CACNA2D3: variants seen among roughly 807,000 people sequenced by gnomAD.
CACNA2D3 encodes voltage-dependent calcium channel subunit alpha-2/delta-3.
Under a neutral mutation model 160.6 loss-of-function variants are expected in CACNA2D3, and 60 were observed. That is an observed-to-expected ratio of 0.37 (90% CI 0.30 to 0.46). The LOEUF (loss-of-function observed/expected upper bound fraction) is 0.46. CACNA2D3 is among the 20% of genes least tolerant of loss of function. CACNA2D3 has a pLI of 1.00. For synonymous variants in CACNA2D3, 558 were observed against 492.9 expected, an observed-to-expected ratio of 1.13 and a Z score of -1.75; for missense variants, 1,205 against 1,365.0, an observed-to-expected ratio of 0.88 and a Z score of 1.85.
intron 4 of CACNA2D3, among the ~76,000 whole-genome samples, chr3:54,502,252 A>G (rs1701306555): frequency 6.6e-6 from 1 of 152,192 alleles, no homozygotes; most frequent in African/African-American, 2.4e-5. Context: ...CTGGTGTCCC[A>G]TTACACATAT....
intron 13 of CACNA2D3, among the ~76,000 whole-genome samples, chr3:54,810,799 T>C (rs1703287126): frequency 6.6e-6 from 1 of 152,246 alleles, no homozygotes; most frequent in Non-Finnish European, 1.5e-5. Flanking sequence ...GTCCCTTCAA[T>C]CACCCCCATG....
chr3:55,045,023 C>G (rs753753833), intron 35 of CACNA2D3, among the ~76,000 whole-genome samples: 1 of 151,944 alleles, frequency 6.6e-6, no homozygotes, highest in Non-Finnish European at 1.5e-5. Context: ...CTTTTTTACT[C>G]TATGTTAATA....
chr3:54,922,402 A>T (rs1700878910), intron 27 of CACNA2D3, among the ~76,000 whole-genome samples: 1 of 151,624 alleles, frequency 6.6e-6, no homozygotes, highest in South Asian at 2.1e-4. Flanking sequence ...TTACAATTTA[A>T]TCCACAATAC....
intron 11 of CACNA2D3, among the ~76,000 whole-genome samples, chr3:54,688,618 A>G (rs572718651): frequency 1.3e-5 from 2 of 152,094 alleles, no homozygotes; most frequent in Admixed American, 1.3e-4. Flanking sequence ...GGACAGTTGT[A>G]AAGAGTGAAT....
intron 4 of CACNA2D3, among the ~76,000 whole-genome samples, chr3:54,485,813 C>T (rs368298954): frequency 2.6e-5 from 4 of 152,186 alleles, no homozygotes; most frequent in Admixed American, 6.5e-5. Context: ...ATCCACCTGC[C>T]TTGGCCTCCC....
intron 4 of CACNA2D3, among the ~76,000 whole-genome samples, chr3:54,409,058 C>T (rs1699622536): frequency 6.6e-6 from 1 of 152,162 alleles, no homozygotes; most frequent in African/African-American, 2.4e-5. Flanking sequence ...CCAACAAATA[C>T]AGATATGCTT....
intron 9 of CACNA2D3, among the ~76,000 whole-genome samples, chr3:54,592,078 C>G (rs1453842344): frequency 6.6e-6 from 1 of 152,138 alleles, no homozygotes; most frequent in Non-Finnish European, 1.5e-5. Context: ...AAGGTGACAG[C>G]TGGGATTATG....
intron 4 of CACNA2D3, among the ~76,000 whole-genome samples, chr3:54,490,336 CAG>C (rs577767079): frequency 3.2e-3 from 480 of 152,218 alleles, no homozygotes; most frequent in African/African-American, 0.011. Flanking sequence ...CCCTGCGCAG[CAG>C]CAGGCTCCCA....
chr3:54,485,574 T>C (rs1015692405), intron 4 of CACNA2D3, among the ~76,000 whole-genome samples: 1 of 152,068 alleles, frequency 6.6e-6, no homozygotes, highest in South Asian at 2.1e-4. Flanking sequence ...GACACTTTTT[T>C]TTTTTTTTTG....
intron 11 of CACNA2D3, among the ~76,000 whole-genome samples, chr3:54,721,091 T>G (rs557898930): frequency 6.6e-6 from 1 of 152,182 alleles, no homozygotes; most frequent in African/African-American, 2.4e-5. Flanking sequence ...CTTCAGTGAT[T>G]ACCCTAGAGG....
chr3:54,604,519 C>T (rs142136113), intron 9 of CACNA2D3, among the ~76,000 whole-genome samples: 11 of 152,270 alleles, frequency 7.2e-5, no homozygotes, highest in African/African-American at 9.6e-5. Flanking sequence ...TCTCAGCAAA[C>T]AGCAGTCCTC....
intron 5 of CACNA2D3, among the ~76,000 whole-genome samples, chr3:54,505,491 A>G (rs934529637): frequency 2.0e-5 from 3 of 152,184 alleles, no homozygotes; most frequent in Non-Finnish European, 4.4e-5. Context: ...GCTCTTCCTT[A>G]GAAACAAATG....
rs1291286123 is a variant in CACNA2D3, at chr3:54,319,199, C to CACACACACACAT, written c.205-1241_205-1240insACACACACATAC. ...ACACACACACACACACACACACACA[C>CACACACACACAT]ACCCTTCCTCGAGTCAAGGAGAAAC... On this transcript the variant is annotated intron_variant, in intron 2 of 37. Coordinates refer to ENST00000474759, the MANE Select transcript of CACNA2D3 (RefSeq NM_018398.3). Among the ~76,000 whole-genome samples, 552 of 149,254 alleles carry CACACACACACAT rather than the reference C, an allele frequency of 3.7e-3. 4 individuals are homozygous for CACACACACACAT. The highest frequency in any genetic ancestry group is 0.015 in the East Asian group (75 of 4,874).
At chr3:54,916,414 G>T (rs543543153) in intron 27 of CACNA2D3, among the ~76,000 whole-genome samples, 1 of 152,320 alleles carries the variant, frequency 6.6e-6, no homozygotes, top group African/African-American at 2.4e-5. Flanking sequence ...GAGAGGAGGT[G>T]CCAGGGCCTG....
chr3:54,623,644 A>G (rs1219994432), intron 9 of CACNA2D3, among the ~76,000 whole-genome samples: 1 of 152,122 alleles, frequency 6.6e-6, no homozygotes, highest in Non-Finnish European at 1.5e-5. Flanking sequence ...AGGAAGGTCC[A>G]TTTTAACCCC....
At chr3:54,137,210 T>C (rs1180935322) in intron 2 of CACNA2D3, among the ~76,000 whole-genome samples, 5 of 152,156 alleles carry the variant, frequency 3.3e-5, no homozygotes, top group East Asian at 1.9e-4. Flanking sequence ...TTCCCTGCCA[T>C]AGAAATGAGG....
intron 4 of CACNA2D3, among the ~76,000 whole-genome samples, chr3:54,491,401 AG>A (rs1314172928): frequency 6.6e-6 from 1 of 152,230 alleles, no homozygotes; most frequent in Non-Finnish European, 1.5e-5. Flanking sequence ...CCTGCAGGAC[AG>A]GGAAGCAGAA....
At chr3:54,449,521 T>C (rs2106813366) in intron 4 of CACNA2D3, among the ~76,000 whole-genome samples, 1 of 152,352 alleles carries the variant, frequency 6.6e-6, no homozygotes, top group South Asian at 2.1e-4. Flanking sequence ...TGGATCTGTG[T>C]TCCCACCCAA....
intron 17 of CACNA2D3, among the ~76,000 whole-genome samples, chr3:54,855,404 C>T (rs1352576210): frequency 6.6e-6 from 1 of 152,198 alleles, no homozygotes; most frequent in Non-Finnish European, 1.5e-5. Context: ...ACACCCTGCC[C>T]AGGCCTTTCC....
Sources: gnomAD v4.1 joint callset for allele counts (sites outside exome capture counted in the v4.1 genomes callset) on GRCh38, gnomAD v4.1.1 for gene constraint, MANE v1.5 for transcripts, NCBI Gene and HGNC (gene_info 2026-07-23, HGNC 2026-07-21) for gene names.